The following RNF180 variants were observed in gnomAD, a reference collection of about 807,000 sequenced individuals.
The protein encoded by RNF180 is ring finger protein 180.
In RNF180, 38 loss-of-function variants were observed where a neutral mutation model predicts 59.2. The ratio of observed to expected loss-of-function variants is 0.64; its 90% confidence interval spans 0.50 to 0.84. RNF180 has a LOEUF of 0.84. RNF180 is among the 40% of genes least tolerant of loss of function. RNF180 has a pLI of 0.00. For synonymous variants in RNF180, 262 were observed against 240.3 expected, an observed-to-expected ratio of 1.09 and a Z score of -0.84; for missense variants, 705 against 700.9, an observed-to-expected ratio of 1.01 and a Z score of -0.07.
At chr5:64,194,996 C>A (rs1240612011) in intron 1 of RNF180, among the ~76,000 whole-genome samples, 1 of 152,000 alleles carries the variant, frequency 6.6e-6, no homozygotes, top group Non-Finnish European at 1.5e-5. Flanking sequence ...AATACCAGTA[C>A]CCAGAGTAGG....
At chr5:64,244,308 A>G (rs1580095237) in intron 5 of RNF180, among the ~76,000 whole-genome samples, 3 of 152,194 alleles carry the variant, frequency 2.0e-5, no homozygotes, top group East Asian at 1.9e-4. Flanking sequence ...CTAAAGGAGC[A>G]TATTCTAACC....
intron 5 of RNF180, among the ~76,000 whole-genome samples, chr5:64,284,581 G>T (rs1052294109): frequency 1.3e-5 from 2 of 152,154 alleles, no homozygotes; most frequent in Admixed American, 1.3e-4. Flanking sequence ...TTAATTCAGA[G>T]AACCAGTCTG....
chr5:64,263,824 A>C (rs982227648), intron 5 of RNF180, among the ~76,000 whole-genome samples: 1 of 152,160 alleles, frequency 6.6e-6, no homozygotes. Flanking sequence ...CATCACATAC[A>C]CACTTGCATA....
At chr5:64,174,857 C>CA (rs1750141351) in intron 1 of RNF180, among the ~76,000 whole-genome samples, 1 of 151,022 alleles carries the variant, frequency 6.6e-6, no homozygotes, top group African/African-American at 2.4e-5. Flanking sequence ...AGGTCTTATC[C>CA]AAAAAATCAT....
At chr5:64,256,911 C>T (rs191244605) in intron 5 of RNF180, among the ~76,000 whole-genome samples, 173 of 152,224 alleles carry the variant, frequency 1.1e-3, no homozygotes, top group Non-Finnish European at 1.8e-3. Context: ...TTGAAGAGGT[C>T]CTTCACGTCC....
At chr5:64,191,302 A>G (rs1449263251) in intron 1 of RNF180, among the ~76,000 whole-genome samples, 1 of 152,208 alleles carries the variant, frequency 6.6e-6, no homozygotes, top group Non-Finnish European at 1.5e-5. Context: ...AATGAATATT[A>G]ACTAAAATTA....
chr5:64,258,224 G>A (rs1744102705), intron 5 of RNF180, among the ~76,000 whole-genome samples: 1 of 152,130 alleles, frequency 6.6e-6, no homozygotes, highest in Non-Finnish European at 1.5e-5. Context: ...GGATATCAAG[G>A]TAGGAAGTAT....
At chr5:64,194,621 A>G (rs1361632064) in intron 1 of RNF180, among the ~76,000 whole-genome samples, 2 of 152,216 alleles carry the variant, frequency 1.3e-5, no homozygotes, top group African/African-American at 2.4e-5. Context: ...AGTCCCACCA[A>G]CAGTGTAAAA....
chr5:64,212,194 A>C, intron 3 of RNF180, 34 bp downstream of exon 3: 1 of 1,221,872 alleles, frequency 8.2e-7, no homozygotes, highest in Non-Finnish European at 1.2e-6. Context: ...AATTAAGAAT[A>C]TACAACCTTC....
intron 7 of RNF180, among the ~76,000 whole-genome samples, chr5:64,366,469 C>T (rs1465474335): frequency 7.9e-5 from 12 of 151,276 alleles, no homozygotes; most frequent in Admixed American, 1.3e-4. Context: ...ATTTTGTATT[C>T]GCTGGATTTG....
intron 7 of RNF180, among the ~76,000 whole-genome samples, chr5:64,345,006 A>G (rs530903723): frequency 3.3e-5 from 5 of 152,132 alleles, no homozygotes; most frequent in South Asian, 4.1e-4. Context: ...GTGATTGCCT[A>G]TATTAATAAA....
intron 1 of RNF180, among the ~76,000 whole-genome samples, chr5:64,167,654 A>AT (rs1411678963): frequency 1.3e-5 from 2 of 152,222 alleles, no homozygotes; most frequent in Non-Finnish European, 2.9e-5. Context: ...TTTCTGTAAT[A>AT]TGACATAGCT....
At chr5:64,360,293 A>G (rs548127248) in intron 7 of RNF180, among the ~76,000 whole-genome samples, 2 of 151,788 alleles carry the variant, frequency 1.3e-5, no homozygotes. Context: ...CCAGCATATA[A>G]ACAGAGCCAA....
intron 5 of RNF180, among the ~76,000 whole-genome samples, chr5:64,322,948 C>T (rs1019971129): frequency 6.6e-6 from 1 of 151,842 alleles, no homozygotes; most frequent in Non-Finnish European, 1.5e-5. Context: ...TTCATGTAAC[C>T]AAAACCACCT....
intron 5 of RNF180, among the ~76,000 whole-genome samples, chr5:64,318,261 C>T (rs933552949): frequency 2.0e-5 from 3 of 151,870 alleles, no homozygotes; most frequent in African/African-American, 7.3e-5. Flanking sequence ...ATGTGTTCTC[C>T]CTCTTCTCTC....
At chr5:64,297,705 C>G (rs904583491) in intron 5 of RNF180, among the ~76,000 whole-genome samples, 2 of 152,008 alleles carry the variant, frequency 1.3e-5, no homozygotes, top group African/African-American at 4.8e-5. Flanking sequence ...TTTTTAACTG[C>G]AGCAGAAGAA....
At chr5:64,198,326 C>T (rs1751558106) in intron 1 of RNF180, among the ~76,000 whole-genome samples, 1 of 151,972 alleles carries the variant, frequency 6.6e-6, no homozygotes, top group Non-Finnish European at 1.5e-5. Flanking sequence ...GAGTGAACAG[C>T]CAGTACAAAG....
At chr5:64,245,709 G>A (rs1325943462) in intron 5 of RNF180, among the ~76,000 whole-genome samples, 2 of 152,104 alleles carry the variant, frequency 1.3e-5, no homozygotes, top group East Asian at 1.9e-4. Context: ...ACAGATCAAC[G>A]AGACAGAAAA....
At chr5:64,295,803 C>T (rs751542899) in intron 5 of RNF180, among the ~76,000 whole-genome samples, 1 of 152,118 alleles carries the variant, frequency 6.6e-6, no homozygotes, top group Non-Finnish European at 1.5e-5. Flanking sequence ...TGATTTTCTC[C>T]TTTATCAATC....
Sources: gnomAD v4.1 joint callset for allele counts (sites outside exome capture counted in the v4.1 genomes callset) on GRCh38, gnomAD v4.1.1 for gene constraint, MANE v1.5 for transcripts, NCBI Gene and HGNC (gene_info 2026-07-23, HGNC 2026-07-21) for gene names.